TENM2: variants seen among roughly 807,000 people sequenced by gnomAD.
TENM2 encodes teneurin-2.
TENM2 carries 52 observed loss-of-function variants against 245.2 expected under a neutral mutation model. The observed-to-expected ratio is 0.21, with a 90% CI of 0.17 to 0.27. TENM2 has a LOEUF of 0.27. Ranked by LOEUF, TENM2 falls within the 10% of genes least tolerant of loss-of-function variation. The pLI is 1.00. For missense variants in TENM2, 3,046 were observed against 3,666.8 expected, an observed-to-expected ratio of 0.83 and a Z score of 4.37; for synonymous variants, 1,363 against 1,438.9, an observed-to-expected ratio of 0.95 and a Z score of 1.19.
intron 3 of TENM2, among the ~76,000 whole-genome samples, chr5:167,904,361 G>T (rs2151534819): frequency 6.6e-6 from 1 of 152,278 alleles, no homozygotes; most frequent in African/African-American, 2.4e-5. Context: ...TTCTTCATTG[G>T]TAAAGAAGGG....
chr5:167,968,459 T>C (rs1363705292), intron 4 of TENM2, among the ~76,000 whole-genome samples: 1 of 152,230 alleles, frequency 6.6e-6, no homozygotes, highest in East Asian at 1.9e-4. Flanking sequence ...ATGTGTTAAA[T>C]GGTACTGAAA....
At chr5:168,040,246 G>C (rs1295381222) in intron 5 of TENM2, among the ~76,000 whole-genome samples, 2 of 152,172 alleles carry the variant, frequency 1.3e-5, no homozygotes, top group African/African-American at 4.8e-5. Context: ...ACTGTAGCTG[G>C]AAGATTTGAG....
chr5:167,159,151 C>A, the TENM2 span, among the ~76,000 whole-genome samples: 29 of 151,654 alleles, frequency 1.9e-4, 1 homozygote, highest in East Asian at 5.5e-3. Flanking sequence ...TCATGTTGTC[C>A]AGGCTAGTCT....
the TENM2 span, among the ~76,000 whole-genome samples, chr5:167,137,038 C>G: frequency 6.6e-6 from 1 of 152,176 alleles, no homozygotes. Context: ...TTGAAGTTGG[C>G]TGCTTTCCTG....
chr5:167,018,549 G>T, the TENM2 span, among the ~76,000 whole-genome samples: 2 of 152,178 alleles, frequency 1.3e-5, no homozygotes, highest in East Asian at 3.9e-4. Flanking sequence ...GAAAAATAAA[G>T]ATTTTATTTT....
At chr5:167,391,907 C>G (rs2127364189) in intron 2 of TENM2, among the ~76,000 whole-genome samples, 1 of 152,068 alleles carries the variant, frequency 6.6e-6, no homozygotes, top group Middle Eastern at 3.4e-3. Context: ...TGAGCTTACC[C>G]AAGGGGAAAG....
At chr5:167,756,497 A>C (rs1412128350) in intron 2 of TENM2, among the ~76,000 whole-genome samples, 2 of 152,168 alleles carry the variant, frequency 1.3e-5, no homozygotes, top group Non-Finnish European at 2.9e-5. Flanking sequence ...AAACAAAGTG[A>C]TGGTTCCACA....
intron 2 of TENM2, among the ~76,000 whole-genome samples, chr5:167,558,520 G>T (rs2127635797): frequency 6.6e-6 from 1 of 152,298 alleles, no homozygotes; most frequent in East Asian, 1.9e-4. Context: ...TCCACCTCCT[G>T]TCAGATCAGC....
chr5:168,119,469 G>T lies in TENM2; in HGVS notation c.2008+983G>T, dbSNP rs547535935. On this transcript the variant is annotated intron_variant, in intron 10 of 28. Coordinates refer to ENST00000518659, the Ensembl canonical transcript of TENM2. ...TGTGCCAATATGTTGGGACTGACTT[G>T]CAGTAGCTATAAGGCAAGAGAAAGC... Among the ~76,000 whole-genome samples the T allele has an allele frequency of 3.3e-5, 5 of 152,316 alleles. No homozygotes were observed. The South Asian group carries it at 1.0e-3, about 32-fold the overall frequency.
intron 2 of TENM2, among the ~76,000 whole-genome samples, chr5:167,796,545 T>G (rs989492396): frequency 2.0e-5 from 3 of 152,180 alleles, no homozygotes; most frequent in Non-Finnish European, 4.4e-5. Context: ...CTTAAGTCAA[T>G]TCTCCCATTT....
At chr5:167,664,930 C>T (rs1755472367) in intron 2 of TENM2, among the ~76,000 whole-genome samples, 2 of 152,176 alleles carry the variant, frequency 1.3e-5, no homozygotes, top group Admixed American at 1.3e-4. Flanking sequence ...CACTGCTTTA[C>T]AAGGAATTGA....
intron 2 of TENM2, among the ~76,000 whole-genome samples, chr5:167,596,487 G>GTAAAAAA (rs1776220081): frequency 6.6e-6 from 1 of 152,062 alleles, no homozygotes; most frequent in African/African-American, 2.4e-5. Flanking sequence ...TGTGTTAATG[G>GTAAAAAA]TAAAAAATAA....
intron 7 of TENM2, among the ~76,000 whole-genome samples, chr5:168,063,869 C>G (rs1790269267): frequency 6.6e-6 from 1 of 151,964 alleles, no homozygotes; most frequent in Non-Finnish European, 1.5e-5. Context: ...CTTTTTTGAG[C>G]AGGGAGAGCT....
chr5:167,979,910 C>A (rs894873702), intron 4 of TENM2, among the ~76,000 whole-genome samples: 1 of 152,054 alleles, frequency 6.6e-6, no homozygotes, highest in Non-Finnish European at 1.5e-5. Flanking sequence ...AGGACACTAC[C>A]GGGAAAATAA....
At chr5:167,687,064 G>A (rs190356917) in intron 2 of TENM2, among the ~76,000 whole-genome samples, 40 of 152,222 alleles carry the variant, frequency 2.6e-4, no homozygotes, top group African/African-American at 9.4e-4. Context: ...CTAGAGTATG[G>A]GGGAAGTTAT....
chr5:167,032,443 G>C, the TENM2 span, among the ~76,000 whole-genome samples: 1 of 152,166 alleles, frequency 6.6e-6, no homozygotes, highest in Non-Finnish European at 1.5e-5. Flanking sequence ...GAGAAACCTA[G>C]AAAGTAAAAT....
chr5:167,251,839 T>C, the TENM2 span, among the ~76,000 whole-genome samples: 690 of 152,274 alleles, frequency 4.5e-3, 1 homozygote, highest in Middle Eastern at 0.031. Context: ...TACGCAAAAT[T>C]AGAGCATTGA....
chr5:168,123,911 T>C (rs762046576), intron 10 of TENM2, among the ~76,000 whole-genome samples: 3 of 152,240 alleles, frequency 2.0e-5, no homozygotes, highest in Non-Finnish European at 2.9e-5. Context: ...TATTCAACCC[T>C]TAGATTGAAT....
intron 10 of TENM2, among the ~76,000 whole-genome samples, chr5:168,120,210 C>A (rs112528961): frequency 6.6e-6 from 1 of 150,616 alleles, no homozygotes; most frequent in African/African-American, 2.4e-5. Flanking sequence ...GAAGTCTGAC[C>A]CCCAGATCTT....
Sources: gnomAD v4.1 joint callset for allele counts (sites outside exome capture counted in the v4.1 genomes callset) on GRCh38, gnomAD v4.1.1 for gene constraint, MANE v1.5 for transcripts, NCBI Gene and HGNC (gene_info 2026-07-23, HGNC 2026-07-21) for gene names.